Variants in PCSK2 observed in about 807,000 individuals in gnomAD.
PCSK2 encodes the protein neuroendocrine convertase 2.
PCSK2 carries 14 observed loss-of-function variants against 69.7 expected under a neutral mutation model. That is an observed-to-expected ratio of 0.20 (90% CI 0.13 to 0.31). The LOEUF (loss-of-function observed/expected upper bound fraction) is 0.31, where lower values mean the gene tolerates loss of function less well. Among genes scored for constraint, PCSK2 ranks in the 10% least tolerant of loss-of-function variants. PCSK2 has a pLI of 1.00. For synonymous variants in PCSK2, 307 were observed against 320.7 expected (o/e 0.96, Z 0.46); for missense variants, 544 against 842.5 (o/e 0.65, Z 4.39).
chr20:17,238,324 G>A (rs953220211), intron 1 of PCSK2, among the ~76,000 whole-genome samples: 2 of 152,092 alleles, frequency 1.3e-5, no homozygotes, highest in African/African-American at 4.8e-5. Context: ...AGAATATTGT[G>A]ACATACCTAG....
chr20:17,265,419 A>C (rs1286314185), intron 2 of PCSK2, among the ~76,000 whole-genome samples: 2 of 152,156 alleles, frequency 1.3e-5, no homozygotes, highest in Non-Finnish European at 2.9e-5. Flanking sequence ...TGCTGCTCTG[A>C]GAAACATATA....
At chr20:17,286,116 C>G (rs1988502536) in intron 2 of PCSK2, among the ~76,000 whole-genome samples, 1 of 152,178 alleles carries the variant, frequency 6.6e-6, no homozygotes, top group Non-Finnish European at 1.5e-5. Flanking sequence ...AAAACAAAAT[C>G]TTGCTGTCAT....
chr20:17,387,368 G>A lies in PCSK2; in HGVS notation c.543+18091G>A, dbSNP rs149793314. 8.7e-4 allele frequency among the ~76,000 whole-genome samples: 132 copies of A among 152,284 alleles called. 1 individual carries two copies. The East Asian group carries it at 0.023, about 27-fold the overall frequency. ...CCGTTTTTATGAGTCAGAAATTTAAGAGCAGTTTGGCTGGGTGGCTCCGTG... is the reference window on the plus strand; with the variant it reads ...CCGTTTTTATGAGTCAGAAATTTAAAAGCAGTTTGGCTGGGTGGCTCCGTG... On this transcript the variant is annotated intron_variant, in intron 5 of 11. Coordinates refer to ENST00000262545, the MANE Select transcript of PCSK2 (RefSeq NM_002594.5).
intron 2 of PCSK2, among the ~76,000 whole-genome samples, chr20:17,348,698 G>T (rs918736186): frequency 2.6e-5 from 4 of 152,170 alleles, no homozygotes; most frequent in Admixed American, 6.5e-5. Context: ...CCTGTTCCAG[G>T]CTCTTTCCTT....
At chr20:17,401,488 A>C (rs2123289158) in intron 5 of PCSK2, among the ~76,000 whole-genome samples, 1 of 152,172 alleles carries the variant, frequency 6.6e-6, no homozygotes, top group Non-Finnish European at 1.5e-5. Flanking sequence ...CAAGGACCCC[A>C]CCTCTTAATA....
At chr20:17,350,841 G>A (rs575133400) in intron 2 of PCSK2, among the ~76,000 whole-genome samples, 8 of 152,140 alleles carry the variant, frequency 5.3e-5, no homozygotes, top group Non-Finnish European at 8.8e-5. Flanking sequence ...TCAGGAATTC[G>A]AGACCAGCTT....
At chr20:17,285,252 G>A (rs1009226218) in intron 2 of PCSK2, among the ~76,000 whole-genome samples, 5 of 152,162 alleles carry the variant, frequency 3.3e-5, no homozygotes, top group East Asian at 1.9e-4. Context: ...TTTTCTTGTC[G>A]GGTGGGAACA....
intron 5 of PCSK2, among the ~76,000 whole-genome samples, chr20:17,372,220 A>C (rs2030788557): frequency 5.3e-5 from 8 of 152,096 alleles, no homozygotes. Flanking sequence ...TCTACTAAAA[A>C]TACAAGAAAT....
intron 11 of PCSK2, among the ~76,000 whole-genome samples, chr20:17,467,037 G>C (rs947714859): frequency 1.3e-5 from 2 of 152,120 alleles, no homozygotes; most frequent in African/African-American, 4.8e-5. Flanking sequence ...TTCATTCCCT[G>C]CCAGGGTCAT....
Position 17,409,202 on chromosome 20 carries a change from C to T in PCSK2, c.544-61C>T, listed in dbSNP as rs539284923. The T allele has an allele frequency of 3.4e-5, 43 of 1,273,838 alleles. No individual in the cohort carries two copies. The Middle Eastern group carries it at 5.5e-4, about 16-fold the overall frequency. 78.9% of individuals were successfully genotyped at this position (1,273,838 alleles called of 1,614,324 possible). On this transcript the variant is annotated intron_variant, in intron 5 of 11. Transcript: ENST00000262545. ...ACTAGAAATGTTTAAAGTCTCCCAG[C>T]GCTTTCCCTTTACTGCGCCTCTGGC...
At position 17,456,380 on chromosome 20, in the gene PCSK2, G is replaced by A; in HGVS notation, c.1134G>A (p.Leu378=). 1 of 1,612,816 alleles carries A rather than the reference G, an allele frequency of 6.2e-7. No individual in the cohort carries two copies. The highest frequency in any genetic ancestry group is 8.5e-7 in the Non-Finnish European group (1 of 1,178,794). The part of the protein sequence containing the change: ...ATTDLYGNCT[L]RHSGTSAAAP... ...CAGATTTGTACGGCAACTGCACTCT[G>A]AGGCATTCTGGGACATCTGCAGCTG... Residue 378 remains leucine, a synonymous_variant, in exon 10 of 12, where the codon CTG becomes CTA. Coordinates refer to ENST00000262545, the MANE Select transcript of PCSK2 (RefSeq NM_002594.5).
In PCSK2 at chr20:17,379,777, A is replaced by G. The variant is rs551295657; in HGVS notation, c.543+10500A>G. ...TTAGAGATTTTTTTCAGATGTCATCAAGGCGCCTAATCAGTTGACTTTAAG... is the reference window on the plus strand; with the variant it reads ...TTAGAGATTTTTTTCAGATGTCATCGAGGCGCCTAATCAGTTGACTTTAAG... On this transcript the variant is annotated intron_variant, in intron 5 of 11. Coordinates refer to ENST00000262545, the MANE Select transcript of PCSK2 (RefSeq NM_002594.5). Among the ~76,000 whole-genome samples the G allele has an allele frequency of 3.3e-5, 5 of 152,316 alleles. No homozygotes were observed. In the East Asian group the frequency reaches 9.6e-4, roughly 29 times the overall value.
chr20:17,371,291 C>T (rs541235929), intron 5 of PCSK2, among the ~76,000 whole-genome samples: 6 of 152,282 alleles, frequency 3.9e-5, no homozygotes, highest in Admixed American at 6.5e-5. Flanking sequence ...CTGCCAGATT[C>T]GAAAAAGATA....
chr20:17,281,381 C>G (rs1988305462), intron 2 of PCSK2, among the ~76,000 whole-genome samples: 1 of 152,178 alleles, frequency 6.6e-6, no homozygotes, highest in Non-Finnish European at 1.5e-5. Context: ...TCAGGTGCTC[C>G]TGTCCCTTGG....
chr20:17,420,420 G>A (rs908288088), intron 6 of PCSK2, among the ~76,000 whole-genome samples: 1 of 152,174 alleles, frequency 6.6e-6, no homozygotes, highest in Non-Finnish European at 1.5e-5. Context: ...TTAGCTCAAA[G>A]GTTACTGCTT....
Position 17,277,877 on chromosome 20 carries a change from A to C in PCSK2, c.282+17533A>C, listed in dbSNP as rs200653596. On this transcript the variant is annotated intron_variant, in intron 2 of 11. Coordinates refer to ENST00000262545, the MANE Select transcript of PCSK2 (RefSeq NM_002594.5). ...TGAACTCCAACAAATTTACAAGAAA[A>C]AAACAAACAACCCCATCAAAAAGTG... Among the ~76,000 whole-genome samples, 761 of 152,124 alleles carry C rather than the reference A, an allele frequency of 5.0e-3. 5 individuals are homozygous for C. Among genetic ancestry groups the C allele is most frequent in the East Asian group, 0.022 (115 of 5,184 alleles).
chr20:17,479,829 C>T (rs1171451135), intron 11 of PCSK2, among the ~76,000 whole-genome samples: 1 of 148,308 alleles, frequency 6.7e-6, no homozygotes. Context: ...AAAGAACTAT[C>T]CACAATGACA....
At chr20:17,419,729 C>T (rs558195839) in intron 6 of PCSK2, among the ~76,000 whole-genome samples, 3 of 152,252 alleles carry the variant, frequency 2.0e-5, no homozygotes, top group East Asian at 3.9e-4. Flanking sequence ...ATCTTGCAGC[C>T]CTGCTCATTT....
chr20:17,388,762 T>G (rs1380833718), intron 5 of PCSK2, among the ~76,000 whole-genome samples: 1 of 152,130 alleles, frequency 6.6e-6, no homozygotes, highest in Non-Finnish European at 1.5e-5. Flanking sequence ...TTATGATGCT[T>G]AATCAGAAAG....
Sources: allele counts gnomAD v4.1 joint callset (sites outside exome capture counted in the v4.1 genomes callset), GRCh38; gene constraint gnomAD v4.1.1; transcripts MANE v1.5; gene names NCBI Gene and HGNC (gene_info 2026-07-23, HGNC 2026-07-21).